Variants in RCAN1 observed in about 807,000 individuals in gnomAD.
The protein encoded by RCAN1 is calcipressin-1.
In RCAN1, 11 loss-of-function variants were observed where a neutral mutation model predicts 22.9. That is an observed-to-expected ratio of 0.48 (90% CI 0.30 to 0.79). The LOEUF (loss-of-function observed/expected upper bound fraction) is 0.79. RCAN1 is among the 30% of genes least tolerant of loss of function. The pLI is 0.06. For missense variants in RCAN1, 291 were observed against 337.8 expected, an observed-to-expected ratio of 0.86 and a Z score of 1.09; for synonymous variants, 136 against 142.3, an observed-to-expected ratio of 0.96 and a Z score of 0.32.
At chr21:34,585,182 T>C (rs908911816) in intron 1 of RCAN1, among the ~76,000 whole-genome samples, 6 of 152,232 alleles carry the variant, frequency 3.9e-5, no homozygotes, top group Non-Finnish European at 7.3e-5. Context: ...TTGGTGATTA[T>C]TTATAACATT....
intron 1 of RCAN1, among the ~76,000 whole-genome samples, chr21:34,602,289 GCT>G (rs147680972): frequency 0.013 from 2,010 of 152,248 alleles, 43 homozygotes; most frequent in African/African-American, 0.046. Context: ...AACACAGAAT[GCT>G]CTGTGCTGCC....
intron 1 of RCAN1, among the ~76,000 whole-genome samples, chr21:34,604,945 C>T (rs1409537408): frequency 6.6e-6 from 1 of 152,234 alleles, no homozygotes; most frequent in African/African-American, 2.4e-5. Context: ...AGTGTCCAGG[C>T]ACTGCCTTCC....
chr21:34,609,154 A>AG (rs1988619894), intron 1 of RCAN1, among the ~76,000 whole-genome samples: 1 of 152,150 alleles, frequency 6.6e-6, no homozygotes, highest in South Asian at 2.1e-4. Context: ...CACTTTGAAA[A>AG]TGTTTCTGTT....
At chr21:34,607,524 G>A (rs950958375) in intron 1 of RCAN1, among the ~76,000 whole-genome samples, 2 of 151,992 alleles carry the variant, frequency 1.3e-5, no homozygotes, top group East Asian at 1.9e-4. Flanking sequence ...TGAATAGCTG[G>A]GACTACAGGC....
intron 1 of RCAN1, among the ~76,000 whole-genome samples, chr21:34,527,171 G>C (rs758293587): frequency 2.0e-5 from 3 of 152,068 alleles, no homozygotes; most frequent in Non-Finnish European, 4.4e-5. Context: ...CGAATGGGAC[G>C]ACCCTTCTTA....
chr21:34,592,418 AG>A (rs1988004682), intron 1 of RCAN1, among the ~76,000 whole-genome samples: 1 of 152,212 alleles, frequency 6.6e-6, no homozygotes, highest in Non-Finnish European at 1.5e-5. Flanking sequence ...CCCAAGGATC[AG>A]GGCTGGGCTG....
chr21:34,561,899 A>C (rs1035080779), intron 1 of RCAN1, among the ~76,000 whole-genome samples: 1 of 152,178 alleles, frequency 6.6e-6, no homozygotes, highest in African/African-American at 2.4e-5. Flanking sequence ...ATAGGCACAC[A>C]GGATTGAGGG....
intron 1 of RCAN1, chr21:34,525,403 G>C (rs1025420173): frequency 7.0e-7 from 1 of 1,434,288 alleles, no homozygotes; most frequent in East Asian, 2.5e-5. Context: ...GCTGGCGGAC[G>C]GTAGAGTTCA....
At chr21:34,519,872 T>C (rs1447811137) in intron 3 of RCAN1, among the ~76,000 whole-genome samples, 2 of 152,116 alleles carry the variant, frequency 1.3e-5, no homozygotes, top group Non-Finnish European at 2.9e-5. Context: ...CTTTTCTCTA[T>C]CACATGTGGG....
intron 1 of RCAN1, 115 bp from the exon 2 acceptor site, chr21:34,523,825 C>A: frequency 1.2e-6 from 1 of 835,910 alleles, no homozygotes; most frequent in Non-Finnish European, 1.8e-6. Flanking sequence ...CTCTGTCACC[C>A]AGGCTGGAGT....
chr21:34,596,876 A>G (rs1988176383), intron 1 of RCAN1, among the ~76,000 whole-genome samples: 1 of 152,162 alleles, frequency 6.6e-6, no homozygotes, highest in South Asian at 2.1e-4. Context: ...GGTGTCTGCG[A>G]GGCTCGGGCC....
chr21:34,562,849 C>T (rs979719748), intron 1 of RCAN1, among the ~76,000 whole-genome samples: 7 of 152,292 alleles, frequency 4.6e-5, no homozygotes, highest in African/African-American at 1.7e-4. Context: ...ATTATAATAA[C>T]GCACAGTAGG....
intron 1 of RCAN1, among the ~76,000 whole-genome samples, chr21:34,571,448 T>A (rs1987231643): frequency 1.3e-5 from 2 of 152,246 alleles, no homozygotes; most frequent in African/African-American, 4.8e-5. Flanking sequence ...TGTATCTACC[T>A]CTTCAACAGA....
chr21:34,548,360 C>A (rs1986227388), intron 1 of RCAN1, among the ~76,000 whole-genome samples: 1 of 152,106 alleles, frequency 6.6e-6, no homozygotes, highest in African/African-American at 2.4e-5. Context: ...TGCTGGATGA[C>A]TAAGAATTTT....
intron 1 of RCAN1, among the ~76,000 whole-genome samples, chr21:34,592,125 A>T (rs1459014043): frequency 6.6e-6 from 1 of 152,192 alleles, no homozygotes; most frequent in East Asian, 1.9e-4. Flanking sequence ...ACGAAAGAAA[A>T]ATGATGGGGA....
chr21:34,581,154 A>C (rs1456261329), intron 1 of RCAN1, among the ~76,000 whole-genome samples: 1 of 142,996 alleles, frequency 7.0e-6, no homozygotes, highest in Non-Finnish European at 1.5e-5. Context: ...CTAAATAACT[A>C]AAATGTTTTC....
chr21:34,595,436 A>AT (rs1223185221), intron 1 of RCAN1, among the ~76,000 whole-genome samples: 3 of 152,210 alleles, frequency 2.0e-5, no homozygotes, highest in African/African-American at 7.2e-5. Flanking sequence ...AATCCTAGTA[A>AT]TTTTGTGTTC....
At position 34,530,187 on chromosome 21, in the gene RCAN1, G is replaced by T. The variant is rs1468306954; in HGVS notation, c.253-6477C>A. Reference sequence around the variant, plus strand: ...ACTGAACCCAGAAGTTAAAGTAAATGAATGTTTTAGTCAACTGAGAGCTTT... The same window carrying T: ...ACTGAACCCAGAAGTTAAAGTAAATTAATGTTTTAGTCAACTGAGAGCTTT... On this transcript the variant is annotated intron_variant, in intron 1 of 3. Coordinates refer to ENST00000313806, the MANE Select transcript of RCAN1 (RefSeq NM_004414.7). Among the ~76,000 whole-genome samples, 4 of 152,322 alleles carry T rather than the reference G, an allele frequency of 2.6e-5. No individual in the cohort carries two copies. In the East Asian group the frequency reaches 7.7e-4, roughly 29 times the overall value.
intron 1 of RCAN1, among the ~76,000 whole-genome samples, chr21:34,591,066 G>A (rs567117165): frequency 3.9e-5 from 6 of 152,162 alleles, no homozygotes; most frequent in Non-Finnish European, 7.4e-5. Flanking sequence ...TATTTTCCTC[G>A]TGGAGGGCAT....
Sources: gnomAD v4.1 joint callset for allele counts (sites outside exome capture counted in the v4.1 genomes callset) on GRCh38, gnomAD v4.1.1 for gene constraint, MANE v1.5 for transcripts, NCBI Gene and HGNC (gene_info 2026-07-23, HGNC 2026-07-21) for gene names.